Variants in GPHN observed in about 807,000 individuals in gnomAD.
GPHN encodes the protein gephyrin.
A neutral mutation model predicts 95.5 loss-of-function variants in GPHN; 17 were observed. The observed-to-expected ratio is 0.18, with a 90% CI of 0.12 to 0.27. The LOEUF is 0.27. GPHN is among the 10% of genes least tolerant of loss of function. The pLI is 1.00. For synonymous variants in GPHN, 320 were observed against 322.5 expected, an observed-to-expected ratio of 0.99 and a Z score of 0.08; for missense variants, 660 against 978.1, an observed-to-expected ratio of 0.67 and a Z score of 4.34.
At chr14:66,825,299 G>A (rs2061349479) in intron 4 of GPHN, among the ~76,000 whole-genome samples, 1 of 151,776 alleles carries the variant, frequency 6.6e-6, no homozygotes, top group Non-Finnish European at 1.5e-5. Context: ...CCCCCCAAAA[G>A]TGTTTCTTGG....
intron 1 of GPHN, among the ~76,000 whole-genome samples, chr14:66,568,999 A>T (rs1566619275): frequency 6.6e-6 from 1 of 152,176 alleles, no homozygotes; most frequent in East Asian, 1.9e-4. Flanking sequence ...CTTGAGTAAA[A>T]TGTATTGTGT....
the GPHN span, chr14:67,619,765 C>T: frequency 3.8e-6 from 2 of 523,350 alleles, no homozygotes; most frequent in East Asian, 3.5e-5. Flanking sequence ...ATCGAAGGCA[C>T]GTCCCAGCCT....
At chr14:67,342,281 T>C in the GPHN span, among the ~76,000 whole-genome samples, 1 of 147,936 alleles carries the variant, frequency 6.8e-6, no homozygotes, top group South Asian at 2.1e-4. Flanking sequence ...TCCAAAAGAG[T>C]AACTACTGTA....
intron 15 of GPHN, among the ~76,000 whole-genome samples, chr14:67,112,171 C>T (rs1240663938): frequency 6.6e-6 from 1 of 152,164 alleles, no homozygotes; most frequent in Non-Finnish European, 1.5e-5. Flanking sequence ...CCTACATATT[C>T]TACAGTTAAT....
chr14:67,293,434 A>G, the GPHN span, among the ~76,000 whole-genome samples: 2 of 152,288 alleles, frequency 1.3e-5, no homozygotes, highest in Admixed American at 1.3e-4. Context: ...TTGAATGCCA[A>G]CATGAGCAGA....
chr14:67,722,325 A>G, the GPHN span: 7 of 460,322 alleles, frequency 1.5e-5, no homozygotes, highest in East Asian at 3.0e-4. Context: ...ACAATTGAGG[A>G]TGGGGGGTTT....
chr14:67,340,178 C>G, the GPHN span: 2 of 381,916 alleles, frequency 5.2e-6, no homozygotes, highest in South Asian at 7.3e-5. Flanking sequence ...TATCTTAAAA[C>G]ATATATTTAA....
intron 2 of GPHN, among the ~76,000 whole-genome samples, chr14:66,751,998 C>T (rs976613641): frequency 2.0e-5 from 3 of 152,136 alleles, no homozygotes; most frequent in African/African-American, 7.2e-5. Context: ...AGCTTCTACA[C>T]TAGCACTTGC....
At position 67,122,123 on chromosome 14, in the gene GPHN, A is replaced by T. The variant is rs947230065; in HGVS notation, c.1627-133A>T. The T allele has an allele frequency of 4.0e-5, 32 of 805,152 alleles. No homozygotes were observed. The African/African-American group carries it at 5.5e-4, about 14-fold the overall frequency. 49.9% of individuals were successfully genotyped at this position (805,152 alleles called of 1,614,324 possible). A position where few individuals can be genotyped will look rare whatever the true frequency, so the allele number is the denominator to read the frequency against. On this transcript the variant is annotated intron_variant, in intron 16 of 22. Transcript: ENST00000478722. ...ATATTTATTTAAAGATCCTTTGGGCATTCACCTTCAAAATGCCAGATACCA... is the reference window on the plus strand; with the variant it reads ...ATATTTATTTAAAGATCCTTTGGGCTTTCACCTTCAAAATGCCAGATACCA...
the GPHN span, chr14:67,383,189 T>G: frequency 1.9e-6 from 2 of 1,053,136 alleles, no homozygotes; most frequent in South Asian, 3.4e-5. Flanking sequence ...CACTCAAAAG[T>G]GAACAGATAT....
chr14:67,043,516 T>C (rs1402222859), intron 10 of GPHN, among the ~76,000 whole-genome samples: 1 of 152,254 alleles, frequency 6.6e-6, no homozygotes, highest in Non-Finnish European at 1.5e-5. Flanking sequence ...GTTTGGTTTA[T>C]GTGATGGATT....
chr14:67,143,523 T>A (rs2080628801), intron 18 of GPHN, 74 bp downstream of exon 18: 1 of 931,044 alleles, frequency 1.1e-6, no homozygotes, highest in Non-Finnish European at 1.8e-6. Flanking sequence ...TGTGGTCTGG[T>A]AGGCATCTGA....
the GPHN span, among the ~76,000 whole-genome samples, chr14:67,550,667 A>T: frequency 3.9e-5 from 6 of 152,188 alleles, no homozygotes; most frequent in African/African-American, 1.4e-4. Flanking sequence ...AGAAAATATA[A>T]TGCTAGTGTG....
At chr14:66,880,082 T>C (rs1406211483) in intron 5 of GPHN, 49 bp downstream of exon 5, 1 of 1,117,340 alleles carries the variant, frequency 8.9e-7, no homozygotes, top group Non-Finnish European at 1.4e-6. Context: ...GTGAACTGTT[T>C]CCGTGATATT....
At chr14:67,542,055 G>A in the GPHN span, 50 of 1,431,438 alleles carry the variant, frequency 3.5e-5, no homozygotes, top group African/African-American at 4.3e-5. Context: ...AGGGAGGGCC[G>A]TGTGAGAGAG....
intron 2 of GPHN, among the ~76,000 whole-genome samples, chr14:66,712,692 C>A (rs1052727942): frequency 2.6e-5 from 4 of 152,120 alleles, no homozygotes; most frequent in Non-Finnish European, 5.9e-5. Context: ...AATGGTAGTT[C>A]TACTTTTAGT....
the GPHN span, chr14:67,199,300 T>C: frequency 3.1e-6 from 5 of 1,607,998 alleles, no homozygotes; most frequent in African/African-American, 1.3e-5. Flanking sequence ...TCAGACTCTA[T>C]GGGAAGCCAA....
chr14:67,689,944 CAAAA>C, the GPHN span: 1 of 304,002 alleles, frequency 3.3e-6, no homozygotes, highest in Middle Eastern at 1.1e-3. Flanking sequence ...GATCCCGTCT[CAAAA>C]AAAAAAAAAG....
chr14:67,029,198 G>A (rs1594867002), intron 10 of GPHN, among the ~76,000 whole-genome samples: 1 of 152,194 alleles, frequency 6.6e-6, no homozygotes, highest in East Asian at 1.9e-4. Flanking sequence ...TGATCTATAT[G>A]TCTGGCTTTA....
Sources: allele counts gnomAD v4.1 joint callset (sites outside exome capture counted in the v4.1 genomes callset), GRCh38; gene constraint gnomAD v4.1.1; transcripts MANE v1.5; gene names NCBI Gene and HGNC (gene_info 2026-07-23, HGNC 2026-07-21).